CCDC102B: variants seen among roughly 807,000 people sequenced by gnomAD.
The protein encoded by CCDC102B is coiled-coil domain containing 102B.
A neutral mutation model predicts 57.4 loss-of-function variants in CCDC102B; 75 were observed. That is an observed-to-expected ratio of 1.31 (90% CI 1.08 to 1.58). The LOEUF is 1.58. Among genes scored for constraint, CCDC102B ranks in the 40% most tolerant of loss-of-function variants. The pLI is 0.00. For synonymous variants in CCDC102B, 206 were observed against 201.9 expected, an observed-to-expected ratio of 1.02 and a Z score of -0.17; for missense variants, 636 against 582.6, an observed-to-expected ratio of 1.09 and a Z score of -0.94.
chr18:68,957,308 T>G (rs1006029305), intron 6 of CCDC102B, among the ~76,000 whole-genome samples: 5 of 152,034 alleles, frequency 3.3e-5, no homozygotes, highest in African/African-American at 1.2e-4. Flanking sequence ...TGATAGGGGG[T>G]TTAGTTTCAT....
rs1272431848 is a variant in CCDC102B, at chr18:69,054,720, A to G, written c.*583A>G. The G allele has an allele frequency of 1.6e-5, 16 of 984,996 alleles. No homozygotes were observed. Among genetic ancestry groups the G allele is most frequent in the Non-Finnish European group, 1.8e-5 (15 of 829,708 alleles). The allele number at this position is 984,996 out of a possible 1,614,324, so 61.0% of individuals were successfully genotyped here. A position where few individuals can be genotyped will look rare whatever the true frequency, so the allele number is the denominator to read the frequency against. On this transcript the variant is annotated 3_prime_UTR_variant, in exon 8 of 8. Transcript: ENST00000360242. ...AAAAAGTGTTTTGTATTTTAAAGTA[A>G]CAGATAACCAGTGATTGAATCTAAG...
intron 3 of CCDC102B, among the ~76,000 whole-genome samples, chr18:68,843,931 G>A (rs1219007301): frequency 6.6e-6 from 1 of 151,464 alleles, no homozygotes; most frequent in African/African-American, 2.4e-5. Flanking sequence ...CTTAATGCTG[G>A]CAGAGACACA....
In CCDC102B at chr18:68,956,479, T is replaced by C. The variant is rs1443056379; in HGVS notation, c.1264-54455T>C. Among the ~76,000 whole-genome samples the C allele has an allele frequency of 3.1e-4, 22 of 70,380 alleles. 4 individuals are homozygous for C. Among genetic ancestry groups the C allele is most frequent in the African/African-American group, 1.7e-3 (18 of 10,894 alleles). The allele number at this position is 70,380 out of a possible 152,430, so 46.2% of individuals were successfully genotyped here. On this transcript the variant is annotated intron_variant, in intron 6 of 7. Coordinates refer to ENST00000360242, the MANE Select transcript of CCDC102B (RefSeq NM_024781.3). ...ATATATTTTATATATATATTATATA[T>C]ATATAATATATATATAAAATATATA...
chr18:68,916,092 A>G (rs544183274), intron 6 of CCDC102B, among the ~76,000 whole-genome samples: 2,133 of 152,318 alleles, frequency 0.014, 41 homozygotes, highest in African/African-American at 0.048. Flanking sequence ...TTATTCATGT[A>G]GTCAACAAAC....
intron 2 of CCDC102B, among the ~76,000 whole-genome samples, chr18:68,763,784 G>GACAAATATTCCT (rs1599425588): frequency 1.8e-4 from 27 of 148,084 alleles, no homozygotes; most frequent in East Asian, 7.8e-4. Flanking sequence ...CCTCAATACA[G>GACAAATATTCCT]CAGTAGAACC....
intron 6 of CCDC102B, among the ~76,000 whole-genome samples, chr18:68,932,131 A>G (rs2041694952): frequency 6.6e-6 from 1 of 151,898 alleles, no homozygotes; most frequent in Non-Finnish European, 1.5e-5. Context: ...TTGACCAATT[A>G]TAGAGAATTA....
At chr18:68,737,011 T>C (rs1259768244) in intron 2 of CCDC102B, among the ~76,000 whole-genome samples, 1 of 152,008 alleles carries the variant, frequency 6.6e-6, no homozygotes, top group Non-Finnish European at 1.5e-5. Flanking sequence ...CAAGAGTTGG[T>C]TAAGTCTTGA....
chr18:68,764,159 A>AG (rs2034348971), intron 2 of CCDC102B, among the ~76,000 whole-genome samples: 1 of 152,140 alleles, frequency 6.6e-6, no homozygotes. Flanking sequence ...GCCTCCAACA[A>AG]GGCAACATTT....
At position 68,991,614 on chromosome 18, in the gene CCDC102B, A is replaced by G. The variant is rs146081837; in HGVS notation, c.1264-19320A>G. Among the ~76,000 whole-genome samples, 725 of 152,322 alleles carry G rather than the reference A, an allele frequency of 4.8e-3. 10 individuals are homozygous for G. Among genetic ancestry groups the G allele is most frequent in the Non-Finnish European group, 7.2e-3 (491 of 68,032 alleles). ...CTAAAATTTTGGTGACTAACCATTA[A>G]TGCTTTAACTTAATATTTGCAAGCT... On this transcript the variant is annotated intron_variant, in intron 6 of 7. Coordinates refer to ENST00000360242, the MANE Select transcript of CCDC102B (RefSeq NM_024781.3).
intron 2 of CCDC102B, among the ~76,000 whole-genome samples, chr18:68,738,617 T>C (rs7229878): frequency 0.12 from 17,682 of 152,218 alleles, 1,192 homozygotes; most frequent in African/African-American, 0.18. Flanking sequence ...CCACGATGGC[T>C]GCTTCATCTG....
chr18:68,858,580 T>C (rs1228131263), intron 4 of CCDC102B, among the ~76,000 whole-genome samples: 4 of 152,170 alleles, frequency 2.6e-5, no homozygotes, highest in Non-Finnish European at 5.9e-5. Context: ...GAGTTCTCAC[T>C]AGGGTGGGCT....
intron 4 of CCDC102B, among the ~76,000 whole-genome samples, chr18:68,863,541 GTTA>G (rs1277507389): frequency 6.6e-6 from 1 of 151,766 alleles, no homozygotes; most frequent in African/African-American, 2.4e-5. Flanking sequence ...TTCTGCCCAA[GTTA>G]TTATTTGGAA....
At chr18:68,983,959 GA>G (rs201250994) in intron 6 of CCDC102B, among the ~76,000 whole-genome samples, 5 of 151,310 alleles carry the variant, frequency 3.3e-5, no homozygotes, top group Non-Finnish European at 5.9e-5. Flanking sequence ...ATTTTTTCAA[GA>G]AAAAAAATTC....
At chr18:68,890,244 T>C (rs947079878) in intron 5 of CCDC102B, among the ~76,000 whole-genome samples, 3 of 151,992 alleles carry the variant, frequency 2.0e-5, no homozygotes, top group Admixed American at 2.0e-4. Context: ...TCTGTTTCTG[T>C]TTTGTTTTTG....
At chr18:68,831,738 A>G (rs2037149627) in intron 1 of CCDC102B, among the ~76,000 whole-genome samples, 1 of 152,130 alleles carries the variant, frequency 6.6e-6, no homozygotes, top group Non-Finnish European at 1.5e-5. Context: ...CTACACACAT[A>G]TGATTCCATA....
intron 1 of CCDC102B, among the ~76,000 whole-genome samples, chr18:68,832,680 C>CCA (rs10642395): frequency 0.59 from 89,509 of 151,552 alleles, 26,948 homozygotes; most frequent in East Asian, 0.95. Context: ...AGACAAAGGG[C>CCA]CACTAAGGGA....
intron 5 of CCDC102B, among the ~76,000 whole-genome samples, chr18:68,879,221 G>C (rs2039578820): frequency 6.6e-6 from 1 of 152,052 alleles, no homozygotes; most frequent in African/African-American, 2.4e-5. Context: ...CCTCCCGGTG[G>C]GCTCTTGGTC....
intron 6 of CCDC102B, among the ~76,000 whole-genome samples, chr18:68,909,100 A>AAAAAGAAAG (rs1398221724): frequency 6.6e-6 from 1 of 151,956 alleles, no homozygotes; most frequent in Non-Finnish European, 1.5e-5. Context: ...TTAAAAAAAA[A>AAAAAGAAAG]AAAAGAATGA....
At chr18:68,971,774 T>C (rs1046089908) in intron 6 of CCDC102B, among the ~76,000 whole-genome samples, 9 of 152,210 alleles carry the variant, frequency 5.9e-5, no homozygotes, top group Admixed American at 5.2e-4. Flanking sequence ...TGCTTATTAA[T>C]AACATACATC....
Sources: allele counts gnomAD v4.1 joint callset (sites outside exome capture counted in the v4.1 genomes callset), GRCh38; gene constraint gnomAD v4.1.1; transcripts MANE v1.5; gene names NCBI Gene and HGNC (gene_info 2026-07-23, HGNC 2026-07-21).